GPA33: variants seen among roughly 807,000 people sequenced by gnomAD.
GPA33 encodes cell surface A33 antigen.
GPA33 carries 27 observed loss-of-function variants against 35.6 expected under a neutral mutation model. That is an observed-to-expected ratio of 0.76 (90% CI 0.56 to 1.04). GPA33 has a LOEUF of 1.04. GPA33 is among the 50% of genes least tolerant of loss of function. The pLI, the probability that GPA33 is intolerant of heterozygous loss-of-function variation, is 0.00. For missense variants in GPA33, 428 were observed against 411.9 expected, an observed-to-expected ratio of 1.04 and a Z score of -0.34; for synonymous variants, 176 against 164.0, an observed-to-expected ratio of 1.07 and a Z score of -0.56.
chr1:167,053,643 G>T lies in GPA33; in HGVS notation c.*691C>A, dbSNP rs1385317506. On this transcript the variant is annotated 3_prime_UTR_variant, in exon 7 of 7. Coordinates refer to ENST00000367868, the MANE Select transcript of GPA33 (RefSeq NM_005814.3). ...TGTGGACAATTAGGATAGGGTTAGA[G>T]AAATCCTTGTGATTTGAGATGGGCC... The T allele has an allele frequency of 6.6e-6, 1 of 152,568 alleles. No homozygotes were observed. The highest frequency in any genetic ancestry group is 1.5e-5 in the Non-Finnish European group (1 of 68,316). The allele number at this position is 152,568 out of a possible 1,614,324, so 9.5% of individuals were successfully genotyped here. A position where few individuals can be genotyped will look rare whatever the true frequency, so the allele number is the denominator to read the frequency against.
At chr1:167,056,291 A>G (rs927331850) in intron 4 of GPA33, among the ~76,000 whole-genome samples, 1 of 152,228 alleles carries the variant, frequency 6.6e-6, no homozygotes, top group Non-Finnish European at 1.5e-5. Flanking sequence ...ATGCTTTCTA[A>G]TCAGAAGATA....
intron 1 of GPA33, among the ~76,000 whole-genome samples, chr1:167,076,549 G>A (rs1462729888): frequency 2.0e-5 from 3 of 152,236 alleles, no homozygotes; most frequent in African/African-American, 7.2e-5. Flanking sequence ...CTGGGAAACA[G>A]GGAAGCATTC....
intron 4 of GPA33, among the ~76,000 whole-genome samples, chr1:167,059,244 G>T (rs1666378546): frequency 6.6e-6 from 1 of 152,146 alleles, no homozygotes; most frequent in African/African-American, 2.4e-5. Context: ...ATTCCGAGTT[G>T]GGGCTCCCAA....
chr1:167,087,374 T>A (rs1667074593), intron 1 of GPA33, among the ~76,000 whole-genome samples: 2 of 152,240 alleles, frequency 1.3e-5, no homozygotes, highest in African/African-American at 4.8e-5. Context: ...ACTCATTTAG[T>A]ACCTATAATA....
chr1:167,084,772 AG>A (rs1667018178), intron 1 of GPA33, among the ~76,000 whole-genome samples: 1 of 152,220 alleles, frequency 6.6e-6, no homozygotes, highest in Non-Finnish European at 1.5e-5. Context: ...CATAAAGCAA[AG>A]ACAAGCTGTC....
rs78754864 is a variant in GPA33 at position 167,068,520 on chromosome 1, C to T, written c.415+402G>A. Among the ~76,000 whole-genome samples the T allele has an allele frequency of 5.0e-3, 755 of 152,286 alleles. 7 individuals are homozygous for T. Among genetic ancestry groups the T allele is most frequent in the African/African-American group, 0.017 (724 of 41,546 alleles). ...AATTTCTGCTGGGTAGCCAAAGTTA[C>T]GGCAGGGAAAGATATAAGAGAATCA... On this transcript the variant is annotated intron_variant, in intron 3 of 6. Transcript: ENST00000367868.
At chr1:167,068,165 GA>G (rs1008248165) in intron 3 of GPA33, among the ~76,000 whole-genome samples, 2 of 151,626 alleles carry the variant, frequency 1.3e-5, no homozygotes, top group Non-Finnish European at 2.9e-5. Flanking sequence ...AAGGAAGAGG[GA>G]AAAAAGATCT....
rs757915035 is a variant in GPA33, at chr1:167,073,481, C to T, written c.102G>A (p.Ser34=). The change falls in exon 2 of 7, where the codon TCG becomes TCA. Residue 34 remains serine (S), a synonymous_variant. Coordinates refer to ENST00000367868, the MANE Select transcript of GPA33 (RefSeq NM_005814.3). ...AGGGCAGGGTGACACTCTTTCCCTG[C>T]GAAGCCCGAAGAACGTCCTGCGGAG... is the stretch of plus-strand genomic sequence containing the variant. The part of the protein sequence containing the change: ...VETPQDVLRA[S]QGKSVTLPCT... The T allele has an allele frequency of 9.3e-6, 15 of 1,613,312 alleles. No homozygotes were observed. The highest frequency in any genetic ancestry group is 3.3e-5 in the Admixed American group (2 of 59,980).
chr1:167,075,267 C>T (rs1396397910), intron 1 of GPA33, among the ~76,000 whole-genome samples: 1 of 151,910 alleles, frequency 6.6e-6, no homozygotes, highest in East Asian at 1.9e-4. Flanking sequence ...GGGTGGGGAA[C>T]AAGAATGGAA....
intron 4 of GPA33, among the ~76,000 whole-genome samples, chr1:167,056,700 G>T (rs1425291262): frequency 3.8e-4 from 4 of 10,664 alleles, no homozygotes; most frequent in Admixed American, 3.3e-3. Context: ...GTGGGTGTGT[G>T]GTGTGTGTAG....
At chr1:167,085,514 C>T (rs540129517) in intron 1 of GPA33, among the ~76,000 whole-genome samples, 56 of 152,284 alleles carry the variant, frequency 3.7e-4, no homozygotes, top group African/African-American at 1.3e-3. Context: ...GAGGATCACA[C>T]CTGTGCCCAT....
intron 1 of GPA33, among the ~76,000 whole-genome samples, chr1:167,074,472 C>A (rs761340781): frequency 3.3e-5 from 5 of 152,292 alleles, no homozygotes; most frequent in South Asian, 4.1e-4. Flanking sequence ...AGCCACCTAG[C>A]TGTTGGAACT....
At chr1:167,070,379 A>G (rs1236447360) in intron 2 of GPA33, among the ~76,000 whole-genome samples, 3 of 152,156 alleles carry the variant, frequency 2.0e-5, no homozygotes, top group Non-Finnish European at 4.4e-5. Flanking sequence ...GTATTATCTC[A>G]TGGAATCTTC....
intron 1 of GPA33, among the ~76,000 whole-genome samples, chr1:167,073,982 A>T (rs374348333): frequency 6.6e-6 from 1 of 152,096 alleles, no homozygotes; most frequent in African/African-American, 2.4e-5. Context: ...GGTTGTGATG[A>T]TGATGTATTC....
In GPA33 at chr1:167,073,482, G is replaced by A. The variant is rs1446633231; in HGVS notation, c.101C>T (p.Ser34Leu). 12 of 1,613,060 alleles carry A rather than the reference G, an allele frequency of 7.4e-6. No homozygotes were observed. The highest frequency in any genetic ancestry group is 1.6e-4 in the Middle Eastern group (1 of 6,062). The change falls in exon 2 of 7, where the codon TCG (serine) becomes TTG (leucine). Residue 34 changes from serine to leucine, a missense_variant. Coordinates refer to ENST00000367868, the MANE Select transcript of GPA33 (RefSeq NM_005814.3). The stretch of plus-strand genomic sequence containing the variant: ...GGGCAGGGTGACACTCTTTCCCTGC[G>A]AAGCCCGAAGAACGTCCTGCGGAGT... ...VETPQDVLRA[S>L]QGKSVTLPCT... is the part of the protein sequence containing the mutation.
At chr1:167,070,227 C>T (rs1666689262) in intron 2 of GPA33, among the ~76,000 whole-genome samples, 1 of 151,992 alleles carries the variant, frequency 6.6e-6, no homozygotes, top group Admixed American at 6.5e-5. Flanking sequence ...CATATCAACC[C>T]CAGTCATTCA....
At chr1:167,088,031 T>G (rs547695405) in intron 1 of GPA33, among the ~76,000 whole-genome samples, 2 of 152,266 alleles carry the variant, frequency 1.3e-5, no homozygotes, top group South Asian at 4.1e-4. Context: ...ACCTTATGAA[T>G]AGCTTCTGCT....
At chr1:167,058,005 CCTGA>C (rs1450786812) in intron 4 of GPA33, among the ~76,000 whole-genome samples, 1 of 152,244 alleles carries the variant, frequency 6.6e-6, no homozygotes, top group East Asian at 1.9e-4. Context: ...TCGAGACCAG[CCTGA>C]CTAACACAGT....
intron 4 of GPA33, among the ~76,000 whole-genome samples, chr1:167,060,107 C>T (rs115478127): frequency 6.6e-6 from 1 of 152,176 alleles, no homozygotes; most frequent in Admixed American, 6.5e-5. Flanking sequence ...AAGATAAGAT[C>T]TGGCTCTAGT....
Sources: gnomAD v4.1 joint callset for allele counts (sites outside exome capture counted in the v4.1 genomes callset) on GRCh38, gnomAD v4.1.1 for gene constraint, MANE v1.5 for transcripts, NCBI Gene and HGNC (gene_info 2026-07-23, HGNC 2026-07-21) for gene names.